The following SPTB variants were observed in gnomAD, a reference collection of about 807,000 sequenced individuals.
The protein encoded by SPTB is spectrin beta, erythrocytic.
SPTB carries 45 observed loss-of-function variants against 256.2 expected under a neutral mutation model. That is an observed-to-expected ratio of 0.18 (90% CI 0.14 to 0.23). SPTB has a LOEUF of 0.23. SPTB is among the 10% of genes least tolerant of loss of function. SPTB has a pLI of 1.00. For synonymous variants in SPTB, 1,231 were observed against 1,243.1 expected, an observed-to-expected ratio of 0.99 and a Z score of 0.21; for missense variants, 2,715 against 3,040.4, an observed-to-expected ratio of 0.89 and a Z score of 2.52.
chr14:64,811,936 C>T (rs1011863357), intron 2 of SPTB, among the ~76,000 whole-genome samples: 1 of 152,192 alleles, frequency 6.6e-6, no homozygotes, highest in Non-Finnish European at 1.5e-5. Context: ...ATCAGAATTA[C>T]AAATGCACAT....
At chr14:64,822,229 T>C (rs1206124703) in intron 2 of SPTB, among the ~76,000 whole-genome samples, 2 of 146,298 alleles carry the variant, frequency 1.4e-5, no homozygotes, top group African/African-American at 5.2e-5. Context: ...CTGGGTCAAG[T>C]TCAGGGAGGC....
chr14:64,781,581 T>G (rs2082472749), intron 20 of SPTB, among the ~76,000 whole-genome samples: 1 of 152,164 alleles, frequency 6.6e-6, no homozygotes, highest in Non-Finnish European at 1.5e-5. Context: ...GCTGGCAAGG[T>G]TGCAGAGAAA....
rs1156972585 is a variant in SPTB at position 64,772,400 on chromosome 14, A to G, written c.5553+180T>C. Among the ~76,000 whole-genome samples, 1 of 152,206 alleles carries G rather than the reference A, an allele frequency of 6.6e-6. No individual in the cohort carries two copies. Among genetic ancestry groups the G allele is most frequent in the Non-Finnish European group, 1.5e-5 (1 of 68,038 alleles). ...TTGTGAGGATTCAGTTTAAAGAATG[A>G]CTTCTGAAGCTAAGGAACATCTGAA... is the stretch of plus-strand genomic sequence containing the variant. On this transcript the variant is annotated intron_variant, in intron 26 of 35. Coordinates refer to ENST00000644917, the MANE Select transcript of SPTB (RefSeq NM_001355436.2). The surrounding 1 kb of genome is among the most constrained non-coding windows in gnomAD (Gnocchi z 5.4).
intron 32 of SPTB, among the ~76,000 whole-genome samples, chr14:64,761,993 G>A (rs979827992): frequency 7.9e-5 from 12 of 152,122 alleles, no homozygotes; most frequent in Admixed American, 2.0e-4. Context: ...AGGAAGAGTC[G>A]TCAGAACAGA....
chr14:64,812,724 A>G (rs942186998), intron 2 of SPTB, among the ~76,000 whole-genome samples: 1 of 151,942 alleles, frequency 6.6e-6, no homozygotes, highest in East Asian at 1.9e-4. Context: ...GTTCACCATC[A>G]AAAGTCCCTA....
chr14:64,831,134 C>T (rs1167811614), intron 1 of SPTB, among the ~76,000 whole-genome samples: 1 of 152,076 alleles, frequency 6.6e-6, no homozygotes, highest in African/African-American at 2.4e-5. Context: ...CCAACTCCCC[C>T]TCCTCAGTCT....
intron 1 of SPTB, among the ~76,000 whole-genome samples, chr14:64,850,479 C>T (rs1255666096): frequency 1.3e-5 from 2 of 152,180 alleles, no homozygotes. Flanking sequence ...ACATATTGGC[C>T]AACATCCTCA....
chr14:64,811,940 T>C (rs1024619336), intron 2 of SPTB, among the ~76,000 whole-genome samples: 12 of 152,252 alleles, frequency 7.9e-5, no homozygotes, highest in Non-Finnish European at 1.8e-4. Context: ...GAATTACAAA[T>C]GCACATGCTT....
At chr14:64,874,670 ATAATTTATGCCTT>A (rs1184001489) in intron 1 of SPTB, among the ~76,000 whole-genome samples, 1 of 152,262 alleles carries the variant, frequency 6.6e-6, no homozygotes, top group Non-Finnish European at 1.5e-5. Context: ...TCTGGTCCAC[ATAATTTATGCCTT>A]TAAAGTATGC....
At chr14:64,769,328 G>T (rs1304841855) in intron 28 of SPTB, among the ~76,000 whole-genome samples, 2 of 152,216 alleles carry the variant, frequency 1.3e-5, no homozygotes, top group Non-Finnish European at 2.9e-5. Context: ...GAGGTCACCA[G>T]CTCCAAAGTG....
At chr14:64,863,409 ATGGGT>A (rs1881973459) in intron 1 of SPTB, among the ~76,000 whole-genome samples, 1 of 152,232 alleles carries the variant, frequency 6.6e-6, no homozygotes, top group Non-Finnish European at 1.5e-5. Context: ...CCCACAGGCC[ATGGGT>A]TAAACAAGCT....
rs1339736500 is a variant in SPTB, at chr14:64,782,277, C to T, written c.4266+13G>A. ...CTATCCTAACACTCTGAGTCTACAA[C>T]CCACTCACGTGCCTTCAGCTTAGCC... On this transcript the variant is annotated intron_variant, in intron 20 of 35. Transcript: ENST00000644917. The T allele has an allele frequency of 6.2e-7, 1 of 1,614,196 alleles. No homozygotes were observed. Among genetic ancestry groups the T allele is most frequent in the Admixed American group, 1.7e-5 (1 of 60,030 alleles).
In SPTB at chr14:64,774,631, T is replaced by C. The variant is rs1383021745; in HGVS notation, c.4843-104A>G. The C allele has an allele frequency of 3.3e-6, 5 of 1,509,394 alleles. No homozygotes were observed. The East Asian group carries it at 9.9e-5, about 30-fold the overall frequency. 93.5% of individuals were successfully genotyped at this position (1,509,394 alleles called of 1,614,324 possible). A position where few individuals can be genotyped will look rare whatever the true frequency, so the allele number is the denominator to read the frequency against. On this transcript the variant is annotated intron_variant, in intron 23 of 35. Transcript: ENST00000644917. Reference sequence around the variant, plus strand: ...GGAGGTGCCCGAGGGAGGAGGGGAGTAGGCTTGTGGGACACCCGCAGGAGA... The same window carrying C: ...GGAGGTGCCCGAGGGAGGAGGGGAGCAGGCTTGTGGGACACCCGCAGGAGA...
At chr14:64,817,570 T>C (rs947805542) in intron 2 of SPTB, among the ~76,000 whole-genome samples, 2 of 152,230 alleles carry the variant, frequency 1.3e-5, no homozygotes, top group African/African-American at 4.8e-5. Flanking sequence ...TGCACCTGAA[T>C]CTGTCAACTT....
intron 2 of SPTB, among the ~76,000 whole-genome samples, chr14:64,809,233 G>T (rs1436223257): frequency 1.5e-5 from 2 of 130,116 alleles, no homozygotes; most frequent in Admixed American, 1.7e-4. Flanking sequence ...TTGTACTCCA[G>T]CCTGGGCAAC....
Position 64,786,138 on chromosome 14 carries a change from A to G in SPTB, c.3562-187T>C, listed in dbSNP as rs2139563893. 6.6e-6 allele frequency among the ~76,000 whole-genome samples: 1 copy of G among 152,134 alleles called. No individual in the cohort carries two copies. Among genetic ancestry groups the G allele is most frequent in the Middle Eastern group, 3.4e-3 (1 of 294 alleles). On this transcript the variant is annotated intron_variant, in intron 16 of 35. Transcript: ENST00000644917. This position sits in a 1 kb window ranked among gnomAD's most constrained non-coding sequence, Gnocchi z 5.6. ...CCCCTACCCCAGGGGCACACAATAAACAGTGTGCCTAAAGCCACATGGAAG... is the reference window on the plus strand; with the variant it reads ...CCCCTACCCCAGGGGCACACAATAAGCAGTGTGCCTAAAGCCACATGGAAG...
intron 1 of SPTB, among the ~76,000 whole-genome samples, chr14:64,874,308 CCT>C (rs2139831701): frequency 6.6e-6 from 1 of 152,240 alleles, no homozygotes; most frequent in South Asian, 2.1e-4. Context: ...TCCTGTACAC[CCT>C]CTCTCTCAGG....
intron 27 of SPTB, among the ~76,000 whole-genome samples, chr14:64,769,985 G>A (rs941868723): frequency 1.3e-5 from 2 of 152,198 alleles, no homozygotes; most frequent in African/African-American, 4.8e-5. Flanking sequence ...GATTATTAGT[G>A]GGCAATAAAA....
chr14:64,859,914 A>G (rs1261858567), intron 1 of SPTB, among the ~76,000 whole-genome samples: 1 of 152,086 alleles, frequency 6.6e-6, no homozygotes, highest in East Asian at 1.9e-4. Flanking sequence ...CAGAAAAAAA[A>G]AAATTAAGTG....
Sources: allele counts gnomAD v4.1 joint callset (sites outside exome capture counted in the v4.1 genomes callset), GRCh38; gene constraint gnomAD v4.1.1; non-coding constraint Gnocchi (gnomAD v3.1); transcripts MANE v1.5; gene names NCBI Gene and HGNC (gene_info 2026-07-23, HGNC 2026-07-21).